DIAPH2: variants seen among roughly 807,000 people sequenced by gnomAD.
The protein encoded by DIAPH2 is protein diaphanous homolog 2.
A neutral mutation model predicts 92.7 loss-of-function variants in DIAPH2; 35 were observed. The ratio of observed to expected loss-of-function variants is 0.38; its 90% CI spans 0.29 to 0.50. DIAPH2 has a LOEUF of 0.50. Ranked by LOEUF, DIAPH2 falls within the 20% of genes least tolerant of loss-of-function variation. The probability of loss-of-function intolerance (pLI) is 0.94; values close to 1 mark genes in which losing one functional copy is unlikely to be tolerated. For synonymous variants in DIAPH2, 301 were observed against 280.4 expected, an observed-to-expected ratio of 1.07 and a Z score of -0.73; for missense variants, 701 against 819.5, an observed-to-expected ratio of 0.86 and a Z score of 1.77.
At chrX:97,305,905 G>C (rs1442897810) in intron 23 of DIAPH2, among the ~76,000 whole-genome samples, 4 of 109,630 alleles carry the variant, frequency 3.6e-5, no homozygotes, top group African/African-American at 1.3e-4. Flanking sequence ...GGGCAGTTCA[G>C]CTGGTTGTGC....
Position 96,794,342 on chromosome X carries a change from C to A in DIAPH2, c.447+36084C>A, listed in dbSNP as rs188452484. Among the ~76,000 whole-genome samples the A allele has an allele frequency of 1.1e-3, 126 of 110,633 alleles. 1 individual carries two copies. Among genetic ancestry groups the A allele is most frequent in the Non-Finnish European group, 1.9e-3 (102 of 52,846 alleles). On this transcript the variant is annotated intron_variant, in intron 4 of 26. Coordinates refer to ENST00000324765, the MANE Select transcript of DIAPH2 (RefSeq NM_006729.5). ...AGTATTCTTAGTGCCGAGTACAATG[C>A]CTGAAACAAAGTAGGCATTCAAGAA...
At chrX:97,262,273 A>C (rs968611701) in intron 23 of DIAPH2, among the ~76,000 whole-genome samples, 2 of 111,655 alleles carry the variant, frequency 1.8e-5, no homozygotes, top group Non-Finnish European at 3.8e-5. Flanking sequence ...AAAGTTGGCC[A>C]GGGCAGGACC....
chrX:96,901,752 C>T (rs1405858530), intron 5 of DIAPH2, among the ~76,000 whole-genome samples: 1 of 109,004 alleles, frequency 9.2e-6, no homozygotes, highest in Non-Finnish European at 1.9e-5. Flanking sequence ...CCAGGCTGGT[C>T]TCGAACTCCT....
At chrX:97,189,089 T>C (rs771286926) in intron 22 of DIAPH2, among the ~76,000 whole-genome samples, 28 of 111,952 alleles carry the variant, frequency 2.5e-4, no homozygotes, top group Non-Finnish European at 5.3e-4. Context: ...ACAGCTATTT[T>C]AGCTGAAAAT....
intron 26 of DIAPH2, chrX:97,441,992 T>C (rs1025675113): frequency 2.7e-5 from 3 of 112,367 alleles, no homozygotes; most frequent in African/African-American, 9.7e-5. Flanking sequence ...TTATCCCCTA[T>C]TTATATGCAA....
chrX:96,999,319 G>A (rs1159818613), intron 17 of DIAPH2, among the ~76,000 whole-genome samples: 2 of 109,527 alleles, frequency 1.8e-5, no homozygotes, highest in African/African-American at 6.7e-5. Context: ...TCGAGACCAC[G>A]GTGAAACCCC....
In DIAPH2 at chrX:97,109,876, AG is replaced by A. The variant is rs749998736; in HGVS notation, c.2350-4849del. Among the ~76,000 whole-genome samples, 499 of 111,929 alleles carry A rather than the reference AG, an allele frequency of 4.5e-3. 3 individuals carry two copies. The highest frequency in any genetic ancestry group is 7.5e-3 in the Non-Finnish European group (401 of 53,231). On this transcript the variant is annotated intron_variant, in intron 20 of 26. Coordinates refer to ENST00000324765, the MANE Select transcript of DIAPH2 (RefSeq NM_006729.5). The stretch of plus-strand genomic sequence containing the variant: ...GCCATGTATCAAACCTTGTTGTAGG[AG>A]ATGAATCAATGAAGAATTTTTGCCA...
At chrX:97,457,333 G>A (rs189109132) in intron 26 of DIAPH2, among the ~76,000 whole-genome samples, 109 of 112,513 alleles carry the variant, frequency 9.7e-4, no homozygotes, top group African/African-American at 3.4e-3. Context: ...ACTCTTTTTG[G>A]TTAGTATGAA....
Position 97,300,944 on chromosome X carries a change from AAAAAAAAAAAAAAAAAAAAAAG to A in DIAPH2, c.2845-47169_2845-47148del, listed in dbSNP as rs1007916393. Among the ~76,000 whole-genome samples, 11 of 50,852 alleles carry A rather than the reference AAAAAAAAAAAAAAAAAAAAAAG, an allele frequency of 2.2e-4. 1 individual carries two copies. In the South Asian group the frequency reaches 4.3e-3, roughly 20 times the overall value. 44.2% of individuals were successfully genotyped at this position (50,852 alleles called of 115,157 possible). ...AAGACTCCGTCTTAAAAAAAAAAAA[AAAAAAAAAAAAAAAAAAAAAAG>A]AAGAAGAAGAATGTCTCCATAGTTA... On this transcript the variant is annotated intron_variant, in intron 23 of 26. Transcript: ENST00000324765.
At chrX:97,369,520 T>G (rs1238379250) in intron 24 of DIAPH2, among the ~76,000 whole-genome samples, 2 of 110,511 alleles carry the variant, frequency 1.8e-5, no homozygotes, top group African/African-American at 6.6e-5. Flanking sequence ...TTCATACTTT[T>G]CCACACCTCA....
chrX:97,415,907 A>T (rs903965975), intron 25 of DIAPH2, among the ~76,000 whole-genome samples: 1 of 111,652 alleles, frequency 9.0e-6, no homozygotes, highest in African/African-American at 3.3e-5. Context: ...ATGGACAGGA[A>T]CTAGAAGCTT....
intron 24 of DIAPH2, among the ~76,000 whole-genome samples, chrX:97,356,260 C>T (rs942911295): frequency 9.0e-6 from 1 of 111,601 alleles, no homozygotes; most frequent in Non-Finnish European, 1.9e-5. Flanking sequence ...CCCTCCTTCT[C>T]CCCTTTTGTT....
intron 17 of DIAPH2, among the ~76,000 whole-genome samples, chrX:97,022,187 A>G (rs1406788794): frequency 2.7e-5 from 3 of 112,011 alleles, no homozygotes; most frequent in Admixed American, 9.5e-5. Context: ...TTTTCCTTCA[A>G]TGTAAAGTAA....
intron 1 of DIAPH2, among the ~76,000 whole-genome samples, chrX:96,692,950 T>C (rs180882903): frequency 4.5e-4 from 50 of 112,007 alleles, no homozygotes; most frequent in African/African-American, 1.5e-3. Flanking sequence ...TCTGGATAAT[T>C]GGGTGAGTAA....
intron 4 of DIAPH2, among the ~76,000 whole-genome samples, chrX:96,822,690 C>T (rs1004798075): frequency 3.6e-5 from 4 of 111,469 alleles, no homozygotes; most frequent in Non-Finnish European, 7.6e-5. Flanking sequence ...ATAAGAGCAG[C>T]TTTGTGAAAA....
At chrX:96,834,855 T>C (rs2064877085) in intron 4 of DIAPH2, among the ~76,000 whole-genome samples, 1 of 111,702 alleles carries the variant, frequency 9.0e-6, no homozygotes, top group African/African-American at 3.3e-5. Flanking sequence ...TTTGATTGTA[T>C]TTGCAAAACA....
chrX:97,139,912 T>G (rs779788652), intron 21 of DIAPH2, among the ~76,000 whole-genome samples: 1 of 111,549 alleles, frequency 9.0e-6, no homozygotes, highest in South Asian at 3.8e-4. Flanking sequence ...TGTTTTTATA[T>G]TTCCTTTCCA....
chrX:96,779,572 T>C (rs1412980173), intron 4 of DIAPH2, among the ~76,000 whole-genome samples: 2 of 112,440 alleles, frequency 1.8e-5, no homozygotes, highest in African/African-American at 6.5e-5. Context: ...CATTAAAATC[T>C]ACTTTTCTAT....
At chrX:97,590,202 G>A (rs1215536438) in intron 26 of DIAPH2, among the ~76,000 whole-genome samples, 1 of 111,490 alleles carries the variant, frequency 9.0e-6, no homozygotes, top group Non-Finnish European at 1.9e-5. Flanking sequence ...CATCATGCAG[G>A]GTGAATGAAC....
Sources: allele counts gnomAD v4.1 joint callset (sites outside exome capture counted in the v4.1 genomes callset), GRCh38; gene constraint gnomAD v4.1.1; transcripts MANE v1.5; gene names NCBI Gene and HGNC (gene_info 2026-07-23, HGNC 2026-07-21).